The following CEP295 variants were observed in gnomAD, a reference collection of about 807,000 sequenced individuals.
The protein encoded by CEP295 is centrosomal protein 295.
CEP295 carries 190 observed loss-of-function variants against 291.6 expected under a neutral mutation model. That is an observed-to-expected ratio of 0.65 (90% CI 0.58 to 0.73). The LOEUF is 0.73. Among genes scored for constraint, CEP295 ranks in the 30% least tolerant of loss-of-function variants. The pLI, the probability that CEP295 is intolerant of heterozygous loss-of-function variation, is 0.00. For missense variants in CEP295, 2,863 were observed against 2,949.4 expected (o/e 0.97, Z 0.68); for synonymous variants, 993 against 1,038.8 (o/e 0.96, Z 0.85).
At position 93,668,830 on chromosome 11, in the gene CEP295, C is replaced by T. The variant is rs1328281297; in HGVS notation, c.332C>T (p.Ala111Val). ...TAGGAACCTGATTTGGATGCTTTGG[C>T]ACAGCGGGCAGCAGAAAGGAAAAGA... ...KENEPDLDAL[A>V]QRAAERKRKA... Residue 111 changes from alanine to valine, a missense_variant, in exon 4 of 30, where the codon GCA (alanine) becomes GTA (valine). This residue lies in a region of CEP295 where 554 missense variants were observed against 576.0 expected (regional missense o/e 0.96). Transcript: ENST00000325212. 1.3e-6 allele frequency: 2 copies of T among 1,526,612 alleles called. No homozygotes were observed. The highest frequency in any genetic ancestry group is 2.8e-5 in the African/African-American group (2 of 71,564). The allele number at this position is 1,526,612 out of a possible 1,614,324, so 94.6% of individuals were successfully genotyped here. A position where few individuals can be genotyped will look rare whatever the true frequency, so the allele number is the denominator to read the frequency against.
At chr11:93,681,865 T>TG (rs5793651) in intron 7 of CEP295, among the ~76,000 whole-genome samples, 57,955 of 151,042 alleles carry the variant, frequency 0.38, 13,088 homozygotes, top group Non-Finnish European at 0.49. Flanking sequence ...TTTTTGTTTT[T>TG]TTTTTTTAAC....
chr11:93,715,707 T>C (rs1183651452), intron 18 of CEP295, among the ~76,000 whole-genome samples: 2 of 152,068 alleles, frequency 1.3e-5, no homozygotes, highest in Non-Finnish European at 2.9e-5. Context: ...TGATGAATCC[T>C]GCCAGGACTG....
chr11:93,715,935 G>C (rs1261175041), intron 18 of CEP295, among the ~76,000 whole-genome samples: 1 of 151,976 alleles, frequency 6.6e-6, no homozygotes, highest in African/African-American at 2.4e-5. Flanking sequence ...GCTGTGAGCT[G>C]TGCTGCCTGG....
At position 93,699,366 on chromosome 11, in the gene CEP295, C is replaced by T. The variant is rs1409412431; in HGVS notation, c.4454C>T (p.Pro1485Leu). The T allele has an allele frequency of 2.6e-6, 4 of 1,551,820 alleles. No homozygotes were observed. In the Admixed American group the frequency reaches 5.9e-5, roughly 23 times the overall value. Reference protein sequence around the residue: ...KTQKELVLSKPCKFEEKVSSE... With the variant: ...KTQKELVLSKLCKFEEKVSSE... ...CAGAAAGAATTGGTTTTGTCAAAAC[C>T]ATGTAAATTTGAGGAAAAGGTATCT... is the stretch of plus-strand genomic sequence containing the variant. Residue 1485 changes from proline (P) to leucine (L), a missense_variant, in exon 15 of 30, where the codon CCA becomes CTA. Physicochemically the swap from Pro to Leu is moderately conservative, Grantham distance 98 (BLOSUM62 -3). Transcript: ENST00000325212.
intron 18 of CEP295, among the ~76,000 whole-genome samples, chr11:93,709,731 G>A (rs1294034188): frequency 6.6e-6 from 1 of 152,076 alleles, no homozygotes; most frequent in African/African-American, 2.4e-5. Context: ...ATTGCTTTGG[G>A]TAGTATGGAC....
rs1371202859 is a variant in CEP295 at position 93,697,908 on chromosome 11, TA to T, written c.2997del (p.Ala1000LeufsTer45). The T allele has an allele frequency of 3.0e-5, 46 of 1,551,572 alleles. No homozygotes were observed. The highest frequency in any genetic ancestry group is 3.9e-5 in the Non-Finnish European group (45 of 1,146,978). On this transcript the variant is annotated frameshift_variant, in exon 15 of 30. Transcript: ENST00000325212. LOFTEE classifies it high-confidence loss of function. ...GCTGAGCCCTCTTTCCCATTTCAGGTAGCTCAGCATACATTTACTTCACTAC... is the reference window on the plus strand; with the variant it reads ...GCTGAGCCCTCTTTCCCATTTCAGGTGCTCAGCATACATTTACTTCACTAC... ...EQAEPSFPFQVAQHTFTSLPS... is the reference protein window; with the variant it reads ...EQAEPSFPFQXAQHTFTSLPS...
chr11:93,691,678 T>A lies in CEP295; in HGVS notation c.1337-5T>A. ...TCAAAATAACAGTGGTATTATCTAT[T>A]ACAGTTGTTGAAAGTGATACACTAA... On this transcript the variant is annotated splice_region_variant and splice_polypyrimidine_tract_variant and intron_variant, in intron 10 of 29. Coordinates refer to ENST00000325212, the MANE Select transcript of CEP295 (RefSeq NM_033395.2). 2.7e-6 allele frequency: 4 copies of A among 1,503,836 alleles called. No individual in the cohort carries two copies. The highest frequency in any genetic ancestry group is 3.6e-6 in the Non-Finnish European group (4 of 1,110,022). 93.2% of individuals were successfully genotyped at this position (1,503,836 alleles called of 1,614,324 possible). A position where few individuals can be genotyped will look rare whatever the true frequency, so the allele number is the denominator to read the frequency against.
At chr11:93,704,920 C>T (rs371020368) in intron 17 of CEP295, among the ~76,000 whole-genome samples, 5 of 152,132 alleles carry the variant, frequency 3.3e-5, no homozygotes, top group Non-Finnish European at 7.3e-5. Context: ...TCCATAGTTG[C>T]AGTGGGTTTA....
intron 25 of CEP295, 70 bp downstream of exon 25, chr11:93,728,891 T>A: frequency 7.4e-7 from 1 of 1,359,968 alleles, no homozygotes; most frequent in East Asian, 2.5e-5. Flanking sequence ...TTACAACTTA[T>A]CAGAAGGTAC....
chr11:93,729,925 A>C lies in CEP295; in HGVS notation c.7623A>C (p.Glu2541Asp), dbSNP rs1374921707. 6.5e-7 allele frequency: 1 copy of C among 1,549,798 alleles called. No homozygotes were observed. Among genetic ancestry groups the C allele is most frequent in the Non-Finnish European group, 8.7e-7 (1 of 1,146,604 alleles). The change falls in exon 28 of 30, where the codon GAA becomes GAC. Residue 2541 changes from glutamate (E) to aspartate (D), a missense_variant. This residue lies in a region of CEP295 where 2,295 missense variants were observed against 2,335.7 expected (regional missense o/e 0.98). Transcript: ENST00000325212. ...GVNKVRASFP[E>D]DRKTTQALRH... ...ATAAAGTCAGAGCATCTTTTCCTGA[A>C]GACAGAAAGACTACACAGGCTCTAA... is the stretch of plus-strand genomic sequence containing the variant.
chr11:93,719,223 T>A (rs1953503554), intron 18 of CEP295, among the ~76,000 whole-genome samples: 1 of 150,790 alleles, frequency 6.6e-6, no homozygotes, highest in South Asian at 2.1e-4. Context: ...TACGTGTGTG[T>A]GTGGGTTGTT....
intron 15 of CEP295, among the ~76,000 whole-genome samples, chr11:93,701,853 C>T (rs976116111): frequency 2.0e-5 from 3 of 152,154 alleles, no homozygotes; most frequent in East Asian, 1.9e-4. Flanking sequence ...CTGCCCAACT[C>T]GGCCTCCCAA....
intron 24 of CEP295, chr11:93,728,019 C>T (rs188186105): frequency 1.4e-4 from 24 of 170,912 alleles, no homozygotes; most frequent in Non-Finnish European, 2.4e-4. Flanking sequence ...TCTGCCTGTG[C>T]TTCAGCACTT....
intron 1 of CEP295, among the ~76,000 whole-genome samples, chr11:93,664,316 A>G (rs1477768426): frequency 6.6e-6 from 1 of 152,244 alleles, no homozygotes; most frequent in Non-Finnish European, 1.5e-5. Context: ...TGTGTGTTGG[A>G]AAGTTAGGAG....
Position 93,715,086 on chromosome 11 carries a change from G to A in CEP295, c.5750-6226G>A, listed in dbSNP as rs143525090. On this transcript the variant is annotated intron_variant, in intron 18 of 29. Transcript: ENST00000325212. ...GTCTTATGTCCTTGCCTTCAGGGTG[G>A]CAAGTGGCCCCGGGCAAATCCAGAG... is the stretch of plus-strand genomic sequence containing the variant. Among the ~76,000 whole-genome samples the A allele has an allele frequency of 3.7e-3, 571 of 152,290 alleles. 1 individual carries two copies. Among genetic ancestry groups the A allele is most frequent in the Non-Finnish European group, 5.5e-3 (374 of 68,018 alleles).
rs373309486 is a variant in CEP295 at position 93,706,735 on chromosome 11, T to C, written c.5597-10T>C. On this transcript the variant is annotated splice_polypyrimidine_tract_variant and intron_variant, in intron 17 of 29. Transcript: ENST00000325212. ...CAGAAATTGAAGTGGAAATATTTTT[T>C]CCCCCCCAGGTAAACCAGGTATTTA... The C allele has an allele frequency of 8.2e-4, 1,231 of 1,502,904 alleles. 3 individuals carry two copies. The highest frequency in any genetic ancestry group is 7.1e-3 in the African/African-American group (505 of 70,756). The allele number at this position is 1,502,904 out of a possible 1,614,324, so 93.1% of individuals were successfully genotyped here. A position where few individuals can be genotyped will look rare whatever the true frequency, so the allele number is the denominator to read the frequency against.
Position 93,729,891 on chromosome 11 carries a change from A to C in CEP295, c.7589A>C (p.Lys2530Thr). Residue 2530 changes from lysine (K) to threonine (T), a missense_variant, in exon 28 of 30, where the codon AAG (lysine) becomes ACG (threonine). Around this residue, in one of 3 missense-constraint regions of CEP295, gnomAD observed 2,295 missense variants for 2,335.7 expected, o/e 0.98. Transcript: ENST00000325212. ...PSISSSVSRL[K>T]GVNKVRASFP... ...TCAGGTTCATCTGTGAGTCGTCTAAAGGGCGTGAATAAAGTCAGAGCATCT... is the reference window on the plus strand; with the variant it reads ...TCAGGTTCATCTGTGAGTCGTCTAACGGGCGTGAATAAAGTCAGAGCATCT... 6.5e-7 allele frequency: 1 copy of C among 1,549,556 alleles called. No homozygotes were observed. The highest frequency in any genetic ancestry group is 1.4e-5 in the African/African-American group (1 of 72,912).
rs1937708082 is a variant in CEP295, at chr11:93,728,465, C to T, written c.7162-216C>T. Reference sequence around the variant, plus strand: ...AGTCCATTGTCACACTATTTCATCCCCTCCCCAAAGTAGGCTCCAGTATTT... The same window carrying T: ...AGTCCATTGTCACACTATTTCATCCTCTCCCCAAAGTAGGCTCCAGTATTT... On this transcript the variant is annotated intron_variant, in intron 24 of 29. Coordinates refer to ENST00000325212, the MANE Select transcript of CEP295 (RefSeq NM_033395.2). 4 of 429,882 alleles carry T rather than the reference C, an allele frequency of 9.3e-6. No homozygotes were observed. In the Admixed American group the frequency reaches 1.7e-4, roughly 18 times the overall value. 26.6% of individuals were successfully genotyped at this position (429,882 alleles called of 1,614,324 possible). A position where few individuals can be genotyped will look rare whatever the true frequency, so the allele number is the denominator to read the frequency against.
chr11:93,667,558 G>T, intron 2 of CEP295, 49 bp from the exon 3 acceptor site: 1 of 1,388,948 alleles, frequency 7.2e-7, no homozygotes, highest in Non-Finnish European at 9.6e-7. Flanking sequence ...TTTCAAAAAA[G>T]TTTAAGTAAA....
Sources: allele counts gnomAD v4.1 joint callset (sites outside exome capture counted in the v4.1 genomes callset), GRCh38; gene constraint gnomAD v4.1.1; regional missense constraint gnomAD v4.1.1; transcripts MANE v1.5; gene names NCBI Gene and HGNC (gene_info 2026-07-23, HGNC 2026-07-21).